Variants in HDGFL2 observed in about 807,000 individuals in gnomAD.
HDGFL2 encodes hepatoma-derived growth factor-related protein 2.
In HDGFL2, 36 loss-of-function variants were observed where a neutral mutation model predicts 77.1. The ratio of observed to expected loss-of-function variants is 0.47; its 90% CI spans 0.36 to 0.62. HDGFL2 has a LOEUF of 0.62. Among genes scored for constraint, HDGFL2 ranks in the 20% least tolerant of loss-of-function variants. The pLI, the probability that HDGFL2 is intolerant of heterozygous loss-of-function variation, is 0.00. For missense variants in HDGFL2, 976 were observed against 973.4 expected, an observed-to-expected ratio of 1.00 and a Z score of -0.04; for synonymous variants, 463 against 413.1, an observed-to-expected ratio of 1.12 and a Z score of -1.46.
intron 13 of HDGFL2, 38 bp downstream of exon 13, chr19:4,498,953 G>A (rs1410213908): frequency 7.0e-7 from 1 of 1,437,424 alleles, no homozygotes; most frequent in Non-Finnish European, 9.6e-7. Flanking sequence ...GTGCAGTCGG[G>A]GGAGCTGGGA....
intron 13 of HDGFL2, 37 bp from the exon 14 acceptor site, chr19:4,499,454 C>T: frequency 6.3e-7 from 1 of 1,594,698 alleles, no homozygotes. Context: ...AGGGCCGCTG[C>T]ACTTGGGTGA....
intron 3 of HDGFL2, among the ~76,000 whole-genome samples, chr19:4,484,209 C>T (rs1975299093): frequency 1.3e-5 from 2 of 149,228 alleles, no homozygotes. Context: ...TCAGCCTCCT[C>T]AGTAGCTGGG....
At chr19:4,483,965 A>G (rs1177937719) in intron 3 of HDGFL2, among the ~76,000 whole-genome samples, 2 of 144,920 alleles carry the variant, frequency 1.4e-5, no homozygotes, top group African/African-American at 5.2e-5. Context: ...AATTCTTTGT[A>G]TTTTTAGTAG....
At chr19:4,488,928 C>T (rs1346189840) in intron 4 of HDGFL2, 52 bp downstream of exon 4, 1 of 1,292,022 alleles carries the variant, frequency 7.7e-7, no homozygotes, top group Non-Finnish European at 1.1e-6. Context: ...CCTGATGTCT[C>T]GCCTGGCAGC....
In HDGFL2 at chr19:4,491,751, T is replaced by C; in HGVS notation, c.607-13T>C. 1 of 1,613,876 alleles carries C rather than the reference T, an allele frequency of 6.2e-7. No homozygotes were observed. Among genetic ancestry groups the C allele is most frequent in the South Asian group, 1.1e-5 (1 of 91,084 alleles). Reference sequence around the variant, plus strand: ...GCCAGTGGGCCCCAGTTCAGCTCACTTCTCTCCCCCAGGACTTCACACCTG... The same window carrying C: ...GCCAGTGGGCCCCAGTTCAGCTCACCTCTCTCCCCCAGGACTTCACACCTG... On this transcript the variant is annotated splice_polypyrimidine_tract_variant and intron_variant, in intron 5 of 15. Coordinates refer to ENST00000616600, the MANE Select transcript of HDGFL2 (RefSeq NM_001001520.3).
At chr19:4,499,797 T>G in intron 14 of HDGFL2, 93 bp downstream of exon 14, 1 of 1,035,848 alleles carries the variant, frequency 9.7e-7, no homozygotes, top group Non-Finnish European at 1.4e-6. Context: ...AGTACAGCTC[T>G]ACTCTCTGCC....
chr19:4,491,043 C>T (rs1302798342), intron 4 of HDGFL2, among the ~76,000 whole-genome samples: 1 of 152,068 alleles, frequency 6.6e-6, no homozygotes, highest in East Asian at 1.9e-4. Context: ...CTCCCGACCT[C>T]AGGTGATCTG....
intron 3 of HDGFL2, among the ~76,000 whole-genome samples, chr19:4,488,315 T>G (rs751827210): frequency 6.6e-6 from 1 of 152,210 alleles, no homozygotes; most frequent in Admixed American, 6.5e-5. Flanking sequence ...CGGCACTGTC[T>G]TAGGTGCTCC....
intron 9 of HDGFL2, among the ~76,000 whole-genome samples, chr19:4,495,197 C>T (rs1312721193): frequency 6.6e-6 from 1 of 151,994 alleles, no homozygotes; most frequent in African/African-American, 2.4e-5. Flanking sequence ...ACCAGCCTGG[C>T]TAACACGGTG....
At chr19:4,481,269 C>A (rs983879668) in intron 3 of HDGFL2, among the ~76,000 whole-genome samples, 26 of 148,784 alleles carry the variant, frequency 1.7e-4, no homozygotes, top group Admixed American at 1.1e-3. Flanking sequence ...TGGCTCACTG[C>A]AACCTCCACC....
intron 3 of HDGFL2, among the ~76,000 whole-genome samples, chr19:4,482,493 C>T (rs1325136785): frequency 6.6e-6 from 1 of 152,176 alleles, no homozygotes; most frequent in Non-Finnish European, 1.5e-5. Flanking sequence ...TAGGCGTGAG[C>T]CACCGTGCCC....
Position 4,501,910 on chromosome 19 carries a change from G to A in HDGFL2, c.1917-1G>A. The A allele has an allele frequency of 6.9e-7, 1 of 1,452,948 alleles. No homozygotes were observed. Among genetic ancestry groups the A allele is most frequent in the African/African-American group, 1.4e-5 (1 of 69,124 alleles). The allele number at this position is 1,452,948 out of a possible 1,614,324, so 90.0% of individuals were successfully genotyped here. On this transcript the variant is annotated splice_acceptor_variant, in intron 15 of 15. Coordinates refer to ENST00000616600, the MANE Select transcript of HDGFL2 (RefSeq NM_001001520.3). LOFTEE classifies it high-confidence loss of function. Reference sequence around the variant, plus strand: ...CACACCGCCTTTGCTGTTCCCACCAGCAGCGTACGGGAGGGTCCCGACCTG... The same window carrying A: ...CACACCGCCTTTGCTGTTCCCACCAACAGCGTACGGGAGGGTCCCGACCTG...
At position 4,501,200 on chromosome 19, in the gene HDGFL2, C is replaced by T. The variant is rs747402399; in HGVS notation, c.1799C>T (p.Ala600Val). 3.7e-6 allele frequency: 6 copies of T among 1,613,224 alleles called. No homozygotes were observed. The highest frequency in any genetic ancestry group is 2.5e-6 in the Non-Finnish European group (3 of 1,179,900). ...AEDKPSTDLS[A>V]PVNGEATSQK... ...CCTCTGTCCCACCCAGATCTCTCAG[C>T]CCCAGTGAATGGCGAGGCCACATCA... Residue 600 changes from alanine (A) to valine (V), a missense_variant, in exon 15 of 16, where the codon GCC becomes GTC. Ala to Val is a moderately conservative substitution (Grantham distance 64). This residue lies in a region of HDGFL2 where 229 missense variants were observed against 187.3 expected (regional missense o/e 1.22). Transcript: ENST00000616600.
At position 4,475,361 on chromosome 19, in the gene HDGFL2, C is replaced by A; in HGVS notation, c.149+10C>A. On this transcript the variant is annotated intron_variant, in intron 2 of 15. Coordinates refer to ENST00000616600, the MANE Select transcript of HDGFL2 (RefSeq NM_001001520.3). ...TTGGCACACACGAAACGTAAGTGTCCCCTTCTGGGGCTTGGTTTTCTCCTC... is the reference window on the plus strand; with the variant it reads ...TTGGCACACACGAAACGTAAGTGTCACCTTCTGGGGCTTGGTTTTCTCCTC... The A allele has an allele frequency of 6.2e-7, 1 of 1,614,058 alleles. No homozygotes were observed. The highest frequency in any genetic ancestry group is 1.3e-5 in the African/African-American group (1 of 75,036).
chr19:4,491,277 A>G (rs148550976), intron 4 of HDGFL2, among the ~76,000 whole-genome samples: 2 of 14,026 alleles, frequency 1.4e-4, no homozygotes, highest in African/African-American at 2.6e-4. Flanking sequence ...CCACCCCCCC[A>G]CCCCCCCCGG....
chr19:4,481,429 A>T (rs1975214462), intron 3 of HDGFL2, among the ~76,000 whole-genome samples: 1 of 151,544 alleles, frequency 6.6e-6, no homozygotes. Context: ...CGACCTCGTG[A>T]TCCGCCCGCC....
At chr19:4,483,293 C>CTGCGGCTGTGCGCACGGAGGCTGGTG (rs1439954221) in intron 3 of HDGFL2, among the ~76,000 whole-genome samples, 4 of 152,162 alleles carry the variant, frequency 2.6e-5, no homozygotes, top group African/African-American at 9.6e-5. Context: ...GGCCGCTAGC[C>CTGCGGCTGTGCGCACGGAGGCTGGTG]TGCGGCTGTG....
intron 10 of HDGFL2, among the ~76,000 whole-genome samples, chr19:4,496,742 C>A (rs910708399): frequency 6.6e-6 from 1 of 152,092 alleles, no homozygotes; most frequent in African/African-American, 2.4e-5. Flanking sequence ...CCCAGGATGA[C>A]CCATCCCAGA....
intron 13 of HDGFL2, among the ~76,000 whole-genome samples, chr19:4,499,130 G>T (rs955560584): frequency 5.3e-5 from 8 of 151,662 alleles, no homozygotes; most frequent in African/African-American, 1.9e-4. Context: ...GGCGGATCAC[G>T]AGGTCAGGAG....
Sources: gnomAD v4.1 joint callset for allele counts (sites outside exome capture counted in the v4.1 genomes callset) on GRCh38, gnomAD v4.1.1 for gene constraint, gnomAD v4.1.1 regional missense constraint, MANE v1.5 for transcripts, NCBI Gene and HGNC (gene_info 2026-07-23, HGNC 2026-07-21) for gene names.